The following IMMP2L variants were observed in gnomAD, a reference collection of about 807,000 sequenced individuals.
IMMP2L encodes the protein mitochondrial inner membrane protease subunit 2.
A neutral mutation model predicts 19.3 loss-of-function variants in IMMP2L; 18 were observed. The ratio of observed to expected loss-of-function variants is 0.93; its 90% CI spans 0.64 to 1.38. The LOEUF (loss-of-function observed/expected upper bound fraction) is 1.38, where lower values mean the gene tolerates loss of function less well. Among genes scored for constraint, IMMP2L ranks in the 40% most tolerant of loss-of-function variants. The pLI is 0.00. For synonymous variants in IMMP2L, 76 were observed against 73.0 expected (o/e 1.04, Z -0.21); for missense variants, 233 against 218.2 (o/e 1.07, Z -0.43).
chr7:111,177,246 C>T lies in IMMP2L; in HGVS notation c.240-213681G>A, dbSNP rs190376806. Among the ~76,000 whole-genome samples, 16 of 152,146 alleles carry T rather than the reference C, an allele frequency of 1.1e-4. No individual in the cohort carries two copies. In the East Asian group the frequency reaches 2.3e-3, roughly 22 times the overall value. On this transcript the variant is annotated intron_variant, in intron 3 of 5. Coordinates refer to ENST00000405709, the MANE Select transcript of IMMP2L (RefSeq NM_032549.4). ...CGAGGCTAGAGTGCAGTGGTGCTATCGCAGTTCACTGCAGGCTTGACCTCC... is the reference window on the plus strand; with the variant it reads ...CGAGGCTAGAGTGCAGTGGTGCTATTGCAGTTCACTGCAGGCTTGACCTCC...
At chr7:110,834,269 C>G (rs1437131557) in intron 5 of IMMP2L, among the ~76,000 whole-genome samples, 2 of 152,160 alleles carry the variant, frequency 1.3e-5, no homozygotes, top group Admixed American at 1.3e-4. Flanking sequence ...TAGACTATCA[C>G]TTTCCCATAC....
At chr7:111,353,092 G>A (rs1828347416) in intron 3 of IMMP2L, among the ~76,000 whole-genome samples, 1 of 152,158 alleles carries the variant, frequency 6.6e-6, no homozygotes. Context: ...CCATGACATT[G>A]TTGCTTCACA....
At chr7:110,858,710 G>A (rs1054209504) in intron 5 of IMMP2L, among the ~76,000 whole-genome samples, 5 of 151,828 alleles carry the variant, frequency 3.3e-5, no homozygotes, top group East Asian at 3.9e-4. Flanking sequence ...CCATTAACTC[G>A]TCATTTAGCA....
chr7:110,691,824 G>A (rs1343642121), intron 5 of IMMP2L, among the ~76,000 whole-genome samples: 1 of 152,162 alleles, frequency 6.6e-6, no homozygotes, highest in Non-Finnish European at 1.5e-5. Context: ...TGGCATAGAT[G>A]TGGTAAAAGA....
chr7:111,001,116 C>G (rs529490881), intron 3 of IMMP2L, among the ~76,000 whole-genome samples: 1 of 152,116 alleles, frequency 6.6e-6, no homozygotes, highest in Non-Finnish European at 1.5e-5. Context: ...ACAGGTAAAC[C>G]TCTGCATGTA....
intron 3 of IMMP2L, among the ~76,000 whole-genome samples, chr7:111,458,296 T>C (rs144623921): frequency 0.019 from 2,819 of 152,120 alleles, 94 homozygotes; most frequent in African/African-American, 0.064. Flanking sequence ...GGAGAATCAC[T>C]TGAACTTGGG....
chr7:110,724,562 G>A (rs574576366), intron 5 of IMMP2L: 2 of 151,998 alleles, frequency 1.3e-5, no homozygotes, highest in South Asian at 4.1e-4. Flanking sequence ...GCTTCTCTGA[G>A]GAATGTTGCA....
chr7:111,500,502 T>G (rs979868609), intron 2 of IMMP2L, among the ~76,000 whole-genome samples: 7 of 152,158 alleles, frequency 4.6e-5, no homozygotes, highest in Non-Finnish European at 7.4e-5. Context: ...AAGGGCAGAC[T>G]GCCTCCTCAA....
intron 3 of IMMP2L, among the ~76,000 whole-genome samples, chr7:111,132,080 T>C (rs1231333213): frequency 2.0e-5 from 3 of 151,986 alleles, no homozygotes; most frequent in African/African-American, 7.2e-5. Flanking sequence ...TATCTCAGTT[T>C]CGCATCAGAA....
intron 3 of IMMP2L, among the ~76,000 whole-genome samples, chr7:111,155,984 T>C (rs1305457419): frequency 1.3e-5 from 2 of 152,140 alleles, no homozygotes; most frequent in Admixed American, 6.6e-5. Context: ...TGTGTTTGAC[T>C]TATTTGCTCC....
intron 5 of IMMP2L, among the ~76,000 whole-genome samples, chr7:110,801,814 G>C (rs1482280279): frequency 3.9e-5 from 6 of 152,054 alleles, no homozygotes; most frequent in Non-Finnish European, 8.8e-5. Flanking sequence ...CTGGAACATG[G>C]GGTAACAGAT....
chr7:110,944,154 G>A (rs935687004), intron 4 of IMMP2L, among the ~76,000 whole-genome samples: 1 of 151,946 alleles, frequency 6.6e-6, no homozygotes, highest in Non-Finnish European at 1.5e-5. Flanking sequence ...CATAAGGCAG[G>A]ATTGTTCTGG....
intron 3 of IMMP2L, among the ~76,000 whole-genome samples, chr7:111,288,860 C>T (rs1312351699): frequency 3.9e-5 from 6 of 152,174 alleles, no homozygotes; most frequent in Admixed American, 2.6e-4. Context: ...CACAGTGTGG[C>T]GACTCCTCAA....
At chr7:111,354,080 A>G (rs954184701) in intron 3 of IMMP2L, among the ~76,000 whole-genome samples, 2 of 152,072 alleles carry the variant, frequency 1.3e-5, no homozygotes, top group African/African-American at 4.8e-5. Flanking sequence ...TATATTTAGG[A>G]AAAATGGGGA....
chr7:110,746,494 G>A lies in IMMP2L; in HGVS notation c.409-82773C>T, dbSNP rs137926061. 2.6e-4 allele frequency among the ~76,000 whole-genome samples: 39 copies of A among 152,088 alleles called. No homozygotes were observed. The East Asian group carries it at 2.9e-3, about 11-fold the overall frequency. ...CATTGTACTTATTCTAAAATTTACCGCATAATTGGAAGTAAAACATGCCAC... is the reference window on the plus strand; with the variant it reads ...CATTGTACTTATTCTAAAATTTACCACATAATTGGAAGTAAAACATGCCAC... On this transcript the variant is annotated intron_variant, in intron 5 of 5. Coordinates refer to ENST00000405709, the MANE Select transcript of IMMP2L (RefSeq NM_032549.4).
intron 2 of IMMP2L, among the ~76,000 whole-genome samples, chr7:111,492,165 C>T (rs1483738661): frequency 6.6e-6 from 1 of 151,746 alleles, no homozygotes; most frequent in Non-Finnish European, 1.5e-5. Context: ...TTTCCTATGC[C>T]TATATTTTTG....
intron 5 of IMMP2L, among the ~76,000 whole-genome samples, chr7:110,844,173 C>G (rs1403097240): frequency 1.3e-5 from 2 of 152,150 alleles, no homozygotes; most frequent in African/African-American, 4.8e-5. Context: ...CATTTTTCGA[C>G]ATCTATTATT....
rs73714701 is a variant in IMMP2L at position 111,293,201 on chromosome 7, A to C, written c.239+194037T>G. ...AGTGTATTGATTGAGCATTAGACCA[A>C]AAGACTGATCAGGTATAAATTTAGT... On this transcript the variant is annotated intron_variant, in intron 3 of 5. Coordinates refer to ENST00000405709, the MANE Select transcript of IMMP2L (RefSeq NM_032549.4). 2.1e-3 allele frequency among the ~76,000 whole-genome samples: 313 copies of C among 152,120 alleles called. 3 individuals are homozygous for C. Among genetic ancestry groups the C allele is most frequent in the African/African-American group, 7.1e-3 (297 of 41,550 alleles).
intron 3 of IMMP2L, among the ~76,000 whole-genome samples, chr7:111,087,258 G>C (rs1231810986): frequency 1.3e-5 from 2 of 152,038 alleles, no homozygotes; most frequent in Non-Finnish European, 2.9e-5. Flanking sequence ...GACCATCATG[G>C]ATAACATGGT....
Sources: gnomAD v4.1 joint callset for allele counts (sites outside exome capture counted in the v4.1 genomes callset) on GRCh38, gnomAD v4.1.1 for gene constraint, MANE v1.5 for transcripts, NCBI Gene and HGNC (gene_info 2026-07-23, HGNC 2026-07-21) for gene names.